Variants in CDK14 observed in about 807,000 individuals in gnomAD.
CDK14 encodes cyclin dependent kinase 14, also known as cyclin-dependent kinase 14.
A neutral mutation model predicts 60.7 loss-of-function variants in CDK14; 34 were observed. The ratio of observed to expected loss-of-function variants is 0.56; its 90% confidence interval spans 0.43 to 0.75. The LOEUF (loss-of-function observed/expected upper bound fraction) is 0.75. Ranked by LOEUF, CDK14 falls within the 30% of genes least tolerant of loss-of-function variation. The probability of loss-of-function intolerance (pLI) is 0.00; values close to 1 mark genes in which losing one functional copy is unlikely to be tolerated. For synonymous variants in CDK14, 197 were observed against 203.7 expected (o/e 0.97, Z 0.28); for missense variants, 482 against 564.1 (o/e 0.85, Z 1.47).
chr7:90,986,430 T>A lies in CDK14; in HGVS notation c.1041+2189T>A, dbSNP rs186944090. ...CTCATGAAACCTACTCCCAAGAAAA[T>A]CTCTTATTCACTTTATTGAGATTGT... On this transcript the variant is annotated intron_variant, in intron 10 of 14. Coordinates refer to ENST00000380050, the MANE Select transcript of CDK14 (RefSeq NM_001287135.2). Among the ~76,000 whole-genome samples the A allele has an allele frequency of 5.9e-5, 9 of 152,028 alleles. No homozygotes were observed. The East Asian group carries it at 1.7e-3, about 29-fold the overall frequency.
intron 14 of CDK14, among the ~76,000 whole-genome samples, chr7:91,121,147 T>C (rs1196245322): frequency 6.6e-6 from 1 of 152,204 alleles, no homozygotes; most frequent in Non-Finnish European, 1.5e-5. Flanking sequence ...GCAAAATGTC[T>C]ATGTAGATAA....
intron 2 of CDK14, among the ~76,000 whole-genome samples, chr7:90,636,835 A>G (rs1290464712): frequency 6.6e-6 from 1 of 152,112 alleles, no homozygotes; most frequent in Non-Finnish European, 1.5e-5. Flanking sequence ...CTATTCAGAG[A>G]TTCAACTTCT....
intron 14 of CDK14, among the ~76,000 whole-genome samples, chr7:91,135,313 A>G (rs1800246229): frequency 6.6e-6 from 1 of 152,166 alleles, no homozygotes; most frequent in Non-Finnish European, 1.5e-5. Flanking sequence ...GTTGGCTTTT[A>G]GCACAATTAC....
At chr7:91,185,070 G>A (rs1031983393) in intron 14 of CDK14, among the ~76,000 whole-genome samples, 6 of 149,944 alleles carry the variant, frequency 4.0e-5, no homozygotes, top group Non-Finnish European at 5.9e-5. Flanking sequence ...CTGGCAACAA[G>A]TGTTTGTTCA....
chr7:91,194,039 C>G (rs1562989993), intron 14 of CDK14, among the ~76,000 whole-genome samples: 1 of 152,140 alleles, frequency 6.6e-6, no homozygotes, highest in Admixed American at 6.6e-5. Context: ...TGGAGACAGT[C>G]CTATCCATAC....
At chr7:90,655,259 A>C (rs1021350096) in intron 2 of CDK14, among the ~76,000 whole-genome samples, 3 of 152,048 alleles carry the variant, frequency 2.0e-5, no homozygotes, top group Admixed American at 2.0e-4. Flanking sequence ...TTGTTTTTCC[A>C]TTTACCTATC....
intron 8 of CDK14, among the ~76,000 whole-genome samples, chr7:90,932,214 G>A (rs891517428): frequency 2.0e-5 from 3 of 152,096 alleles, no homozygotes; most frequent in Admixed American, 2.0e-4. Flanking sequence ...TTCTGAAACT[G>A]TGGTCTGCGG....
intron 2 of CDK14, among the ~76,000 whole-genome samples, chr7:90,671,097 C>T (rs1468391237): frequency 6.6e-5 from 10 of 152,086 alleles, no homozygotes; most frequent in Non-Finnish European, 4.4e-5. Context: ...CCCGGCTCTC[C>T]TGGAATGGCT....
chr7:91,096,871 C>T (rs978606369), intron 12 of CDK14, among the ~76,000 whole-genome samples: 3 of 152,078 alleles, frequency 2.0e-5, no homozygotes, highest in African/African-American at 7.2e-5. Context: ...GGAGGAGATT[C>T]GTAAAACTAG....
chr7:90,772,591 C>G (rs574720418), intron 4 of CDK14, among the ~76,000 whole-genome samples: 58 of 152,242 alleles, frequency 3.8e-4, no homozygotes, highest in African/African-American at 1.3e-3. Flanking sequence ...CCTTTGCTCT[C>G]TCTTCCTCTT....
intron 6 of CDK14, among the ~76,000 whole-genome samples, chr7:90,879,849 C>T (rs1394232400): frequency 1.3e-5 from 2 of 150,748 alleles, no homozygotes; most frequent in Admixed American, 1.3e-4. Context: ...GTATGGTGGA[C>T]CATCTGAAAG....
rs1262499048 is a variant in CDK14, at chr7:91,207,203, T to C, written c.*67T>C. The C allele has an allele frequency of 6.6e-6, 1 of 152,096 alleles. No homozygotes were observed. The highest frequency in any genetic ancestry group is 6.5e-5 in the Admixed American group (1 of 15,282). The allele number at this position is 152,096 out of a possible 1,614,324, so 9.4% of individuals were successfully genotyped here. A position where few individuals can be genotyped will look rare whatever the true frequency, so the allele number is the denominator to read the frequency against. ...TCATTCTGGGAAGAAAAAAAAAACA[T>C]TAATGAAGAGGCCAATAATATGAAG... On this transcript the variant is annotated 3_prime_UTR_variant, in exon 15 of 15. Coordinates refer to ENST00000380050, the MANE Select transcript of CDK14 (RefSeq NM_001287135.2).
intron 2 of CDK14, among the ~76,000 whole-genome samples, chr7:90,609,587 C>T (rs1418184514): frequency 6.6e-6 from 1 of 152,136 alleles, no homozygotes; most frequent in East Asian, 1.9e-4. Flanking sequence ...GAAGCTGGCT[C>T]TCCCTTTGCC....
At chr7:90,728,560 C>T (rs994454134) in intron 3 of CDK14, among the ~76,000 whole-genome samples, 1 of 152,028 alleles carries the variant, frequency 6.6e-6, no homozygotes, top group Non-Finnish European at 1.5e-5. Flanking sequence ...TAACATATCA[C>T]TTCATATGTT....
intron 10 of CDK14, among the ~76,000 whole-genome samples, chr7:91,041,042 G>C (rs552122708): frequency 7.1e-4 from 108 of 152,300 alleles, no homozygotes; most frequent in African/African-American, 2.5e-3. Flanking sequence ...GACAGAGGCT[G>C]ACATAACGGG....
intron 12 of CDK14, among the ~76,000 whole-genome samples, chr7:91,098,527 G>T (rs11761073): frequency 7.5e-6 from 1 of 133,776 alleles, no homozygotes; most frequent in Non-Finnish European, 1.6e-5. Flanking sequence ...GAAAGAAAGA[G>T]AAAAAAAAAA....
At position 90,780,045 on chromosome 7, in the gene CDK14, T is replaced by G. The variant is rs182358276; in HGVS notation, c.465-10528T>G. ...AGTCTGGATTTTCCTTATTGTTTCCTAATGGTGTTATTTAACTTGTTCCCT... is the reference window on the plus strand; with the variant it reads ...AGTCTGGATTTTCCTTATTGTTTCCGAATGGTGTTATTTAACTTGTTCCCT... On this transcript the variant is annotated intron_variant, in intron 4 of 14. Coordinates refer to ENST00000380050, the MANE Select transcript of CDK14 (RefSeq NM_001287135.2). Among the ~76,000 whole-genome samples the G allele has an allele frequency of 8.5e-5, 13 of 152,314 alleles. No homozygotes were observed. The East Asian group carries it at 2.5e-3, about 29-fold the overall frequency.
chr7:91,110,382 T>C (rs115064207), intron 12 of CDK14, among the ~76,000 whole-genome samples: 128 of 152,304 alleles, frequency 8.4e-4, no homozygotes, highest in African/African-American at 2.9e-3. Context: ...AACAATTTAC[T>C]GCAGAAACAG....
intron 4 of CDK14, among the ~76,000 whole-genome samples, chr7:90,753,061 G>A (rs1803911327): frequency 6.6e-6 from 1 of 152,132 alleles, no homozygotes; most frequent in Non-Finnish European, 1.5e-5. Flanking sequence ...TCTACCAGAA[G>A]TGCAGAGAAG....
Sources: allele counts gnomAD v4.1 joint callset (sites outside exome capture counted in the v4.1 genomes callset), GRCh38; gene constraint gnomAD v4.1.1; transcripts MANE v1.5; gene names NCBI Gene and HGNC (gene_info 2026-07-23, HGNC 2026-07-21).